PLPPR5: variants seen among roughly 807,000 people sequenced by gnomAD.
The protein encoded by PLPPR5 is phospholipid phosphatase-related protein type 5.
PLPPR5 carries 16 observed loss-of-function variants against 33.9 expected under a neutral mutation model. The observed-to-expected ratio is 0.47, with a 90% CI of 0.32 to 0.72. The LOEUF (loss-of-function observed/expected upper bound fraction) is 0.72, where lower values mean the gene tolerates loss of function less well. Ranked by LOEUF, PLPPR5 falls within the 30% of genes least tolerant of loss-of-function variation. The pLI is 0.03. For synonymous variants in PLPPR5, 163 were observed against 150.3 expected (o/e 1.08, Z -0.62); for missense variants, 301 against 406.7 (o/e 0.74, Z 2.23).
intron 1 of PLPPR5, among the ~76,000 whole-genome samples, chr1:98,975,513 A>G (rs1293698967): frequency 6.6e-6 from 1 of 152,088 alleles, no homozygotes; most frequent in Non-Finnish European, 1.5e-5. Context: ...TTGCAGTACA[A>G]ATAAAGTTGT....
chr1:98,895,040 G>A (rs1570675515), intron 5 of PLPPR5, among the ~76,000 whole-genome samples: 1 of 152,040 alleles, frequency 6.6e-6, no homozygotes. Flanking sequence ...AGGCTTAAAT[G>A]AGGATTGTCC....
intron 5 of PLPPR5, among the ~76,000 whole-genome samples, chr1:98,909,448 T>A (rs185642157): frequency 0.013 from 2,043 of 151,912 alleles, 18 homozygotes; most frequent in Middle Eastern, 0.017. Flanking sequence ...AAGTCTTTTT[T>A]AAAAAAACTT....
At chr1:99,003,418 G>A (rs957704685) in intron 1 of PLPPR5, among the ~76,000 whole-genome samples, 1 of 151,514 alleles carries the variant, frequency 6.6e-6, no homozygotes, top group Non-Finnish European at 1.5e-5. Context: ...CTTATTTCCC[G>A]TTTGTTATCT....
intron 3 of PLPPR5, among the ~76,000 whole-genome samples, chr1:98,936,561 T>C (rs540243103): frequency 6.6e-6 from 1 of 152,326 alleles, no homozygotes; most frequent in East Asian, 1.9e-4. Flanking sequence ...TCTCCAACTA[T>C]GGGATTGCTT....
At chr1:98,951,683 G>A (rs1650790103) in intron 3 of PLPPR5, among the ~76,000 whole-genome samples, 1 of 152,090 alleles carries the variant, frequency 6.6e-6, no homozygotes, top group East Asian at 1.9e-4. Context: ...TTCCTAAATT[G>A]TCCTTTTATT....
At chr1:98,999,790 C>A (rs1164102290) in intron 1 of PLPPR5, among the ~76,000 whole-genome samples, 5 of 152,202 alleles carry the variant, frequency 3.3e-5, no homozygotes, top group Non-Finnish European at 7.3e-5. Flanking sequence ...GGGATAGCAG[C>A]AGTAGCTACA....
intron 3 of PLPPR5, among the ~76,000 whole-genome samples, chr1:98,932,658 G>A (rs1018833502): frequency 6.6e-6 from 1 of 152,088 alleles, no homozygotes; most frequent in Admixed American, 6.5e-5. Context: ...GGAATCTATT[G>A]ATTTTTCTAA....
chr1:98,939,026 T>A (rs1275886442), intron 3 of PLPPR5, among the ~76,000 whole-genome samples: 2 of 152,052 alleles, frequency 1.3e-5, no homozygotes, highest in African/African-American at 4.8e-5. Context: ...TAATGGGTCC[T>A]AGGCTTAACA....
At chr1:98,921,686 A>C (rs1649558667) in intron 4 of PLPPR5, among the ~76,000 whole-genome samples, 196 bp downstream of exon 4, 1 of 152,152 alleles carries the variant, frequency 6.6e-6, no homozygotes, top group Admixed American at 6.6e-5. Context: ...TTCATCCCCA[A>C]ACCTGACTTG....
In PLPPR5 at chr1:98,950,790, T is replaced by C. The variant is rs565716461; in HGVS notation, c.621+2280A>G. On this transcript the variant is annotated intron_variant, in intron 3 of 5. Transcript: ENST00000263177. ...CCTCAAACTCCTGGACTCAAGAGAT[T>C]CTCCCGTCTTGGCCTCTCATGTAGC... is the stretch of plus-strand genomic sequence containing the variant. Among the ~76,000 whole-genome samples the C allele has an allele frequency of 1.5e-4, 23 of 152,220 alleles. No homozygotes were observed. In the South Asian group the frequency reaches 4.6e-3, roughly 30 times the overall value.
intron 1 of PLPPR5, among the ~76,000 whole-genome samples, chr1:98,972,036 G>A (rs763383088): frequency 1.3e-5 from 2 of 151,982 alleles, no homozygotes; most frequent in Non-Finnish European, 2.9e-5. Flanking sequence ...TGCCACCTCT[G>A]ACTTAACTAT....
intron 5 of PLPPR5, among the ~76,000 whole-genome samples, chr1:98,906,523 C>T (rs571302985): frequency 9.2e-5 from 14 of 151,996 alleles, no homozygotes; most frequent in East Asian, 5.8e-4. Flanking sequence ...GCAAGAATAC[C>T]GGCAGAAACT....
intron 4 of PLPPR5, among the ~76,000 whole-genome samples, chr1:98,917,241 C>T (rs1308722450): frequency 6.6e-6 from 1 of 152,164 alleles, no homozygotes; most frequent in Non-Finnish European, 1.5e-5. Context: ...GTTACTGAAT[C>T]TGCTCAATGT....
chr1:98,976,076 T>A, intron 1 of PLPPR5, among the ~76,000 whole-genome samples: 1 of 121,720 alleles, frequency 8.2e-6, no homozygotes, highest in Admixed American at 1.0e-4. Flanking sequence ...GAAGATGAGA[T>A]CATCCTACTA....
intron 2 of PLPPR5, among the ~76,000 whole-genome samples, chr1:98,953,597 G>A (rs1383367135): frequency 6.6e-6 from 1 of 152,132 alleles, no homozygotes; most frequent in Non-Finnish European, 1.5e-5. Context: ...ATAAGAACAT[G>A]TATTCTCAGA....
At chr1:98,949,328 C>T (rs1481355211) in intron 3 of PLPPR5, among the ~76,000 whole-genome samples, 2 of 151,576 alleles carry the variant, frequency 1.3e-5, no homozygotes, top group African/African-American at 4.9e-5. Flanking sequence ...CCATGATCAA[C>T]TTAGCACCAA....
At chr1:98,895,338 T>C (rs1297319686) in intron 5 of PLPPR5, among the ~76,000 whole-genome samples, 1 of 152,028 alleles carries the variant, frequency 6.6e-6, no homozygotes. Context: ...ACCTTGACCT[T>C]GGACTTCCCA....
chr1:98,996,634 G>A (rs1652644368), intron 1 of PLPPR5, among the ~76,000 whole-genome samples: 1 of 152,006 alleles, frequency 6.6e-6, no homozygotes, highest in African/African-American at 2.4e-5. Flanking sequence ...CTAACTATAG[G>A]TTAAGATCCT....
At chr1:98,987,031 T>A (rs1652287734) in intron 1 of PLPPR5, among the ~76,000 whole-genome samples, 1 of 151,862 alleles carries the variant, frequency 6.6e-6, no homozygotes, top group African/African-American at 2.4e-5. Flanking sequence ...CTTCCTGTAT[T>A]TGCCTCTTAA....
Sources: gnomAD v4.1 joint callset for allele counts (sites outside exome capture counted in the v4.1 genomes callset) on GRCh38, gnomAD v4.1.1 for gene constraint, MANE v1.5 for transcripts, NCBI Gene and HGNC (gene_info 2026-07-23, HGNC 2026-07-21) for gene names.